SLC35F3: variants seen among roughly 807,000 people sequenced by gnomAD.
SLC35F3 encodes solute carrier family 35 member F3.
A neutral mutation model predicts 49.9 loss-of-function variants in SLC35F3; 25 were observed. The ratio of observed to expected loss-of-function variants is 0.50; its 90% CI spans 0.37 to 0.70. The LOEUF is 0.70. SLC35F3 is among the 30% of genes least tolerant of loss of function. The pLI, the probability that SLC35F3 is intolerant of heterozygous loss-of-function variation, is 0.00. For missense variants in SLC35F3, 525 were observed against 639.8 expected, an observed-to-expected ratio of 0.82 and a Z score of 1.94; for synonymous variants, 275 against 265.4, an observed-to-expected ratio of 1.04 and a Z score of -0.35.
At chr1:234,210,895 C>T (rs967551163) in intron 2 of SLC35F3, among the ~76,000 whole-genome samples, 2 of 152,160 alleles carry the variant, frequency 1.3e-5, no homozygotes, top group Admixed American at 1.3e-4. Context: ...GTCTCTGGGA[C>T]GTGACAGAGG....
intron 2 of SLC35F3, among the ~76,000 whole-genome samples, chr1:233,993,314 C>T (rs967646247): frequency 2.0e-5 from 3 of 152,018 alleles, no homozygotes; most frequent in African/African-American, 7.2e-5. Flanking sequence ...GTCAGTTTTG[C>T]TGGGCTGGTG....
intron 2 of SLC35F3, among the ~76,000 whole-genome samples, chr1:234,217,238 T>C (rs1340556891): frequency 6.6e-6 from 1 of 152,030 alleles, no homozygotes; most frequent in Non-Finnish European, 1.5e-5. Context: ...AAAACCAAAA[T>C]AGAAAAGGCA....
At chr1:234,261,484 T>C (rs1297098179) in intron 3 of SLC35F3, among the ~76,000 whole-genome samples, 1 of 152,116 alleles carries the variant, frequency 6.6e-6, no homozygotes, top group Non-Finnish European at 1.5e-5. Context: ...GGTGGGAGTG[T>C]CTTTTGGCAT....
At chr1:234,237,961 C>T (rs1226054372) in intron 3 of SLC35F3, among the ~76,000 whole-genome samples, 2 of 152,212 alleles carry the variant, frequency 1.3e-5, no homozygotes, top group African/African-American at 2.4e-5. Context: ...ACCTTGGCCC[C>T]CCAAAGTGCT....
At chr1:234,023,709 A>G (rs1259848154) in intron 2 of SLC35F3, among the ~76,000 whole-genome samples, 1 of 152,138 alleles carries the variant, frequency 6.6e-6, no homozygotes, top group Non-Finnish European at 1.5e-5. Flanking sequence ...CAGGGTCCAC[A>G]TCATGCTGGT....
chr1:234,077,090 C>A (rs1027130437), intron 2 of SLC35F3, among the ~76,000 whole-genome samples: 1 of 150,596 alleles, frequency 6.6e-6, no homozygotes, highest in Non-Finnish European at 1.5e-5. Flanking sequence ...CTGCAAGCTC[C>A]GCTTCCCGGG....
At chr1:233,937,869 C>T (rs989581313) in intron 2 of SLC35F3, among the ~76,000 whole-genome samples, 3 of 151,886 alleles carry the variant, frequency 2.0e-5, no homozygotes, top group Non-Finnish European at 4.4e-5. Flanking sequence ...TTGGTGAGTG[C>T]GGGAGAGGGG....
chr1:234,067,746 G>C (rs1026561950), intron 2 of SLC35F3, among the ~76,000 whole-genome samples: 3 of 152,192 alleles, frequency 2.0e-5, no homozygotes, highest in Admixed American at 2.0e-4. Flanking sequence ...CCAGATGACT[G>C]CAGCTGCATG....
intron 2 of SLC35F3, among the ~76,000 whole-genome samples, chr1:233,914,008 C>A (rs1443159419): frequency 6.6e-6 from 1 of 152,140 alleles, no homozygotes; most frequent in Non-Finnish European, 1.5e-5. Flanking sequence ...AAGAACGTGA[C>A]ATGTCTTCAT....
At chr1:234,308,368 T>A (rs984652233) in intron 3 of SLC35F3, among the ~76,000 whole-genome samples, 3 of 152,064 alleles carry the variant, frequency 2.0e-5, no homozygotes, top group African/African-American at 7.2e-5. Flanking sequence ...CCAACCCCCG[T>A]CCCACAGGCC....
rs113863855 is a variant in SLC35F3, at chr1:234,045,335, A to G, written c.283+139577A>G. ...GTGTTTCTTAGTTAACATTTCCAAT[A>G]TAGTTTAAATCTTATAATTATAGCT... On this transcript the variant is annotated intron_variant, in intron 2 of 7. Transcript: ENST00000366618. Among the ~76,000 whole-genome samples the G allele has an allele frequency of 1.7e-3, 256 of 152,302 alleles. 1 individual carries two copies. Among genetic ancestry groups the G allele is most frequent in the Middle Eastern group, 6.8e-3 (2 of 294 alleles).
intron 3 of SLC35F3, among the ~76,000 whole-genome samples, chr1:234,260,015 C>T (rs555611710): frequency 6.6e-6 from 1 of 152,172 alleles, no homozygotes; most frequent in Admixed American, 6.5e-5. Context: ...GTTTGCTAAG[C>T]AAATGGATAG....
intron 2 of SLC35F3, among the ~76,000 whole-genome samples, chr1:234,192,630 G>A (rs12066417): frequency 0.08 from 12,184 of 152,126 alleles, 1,347 homozygotes; most frequent in African/African-American, 0.25. Flanking sequence ...AGGACATCCA[G>A]ATCAGTAAAG....
chr1:233,961,060 C>T (rs1438237379), intron 2 of SLC35F3, among the ~76,000 whole-genome samples: 4 of 152,058 alleles, frequency 2.6e-5, no homozygotes, highest in Admixed American at 2.0e-4. Context: ...AATCCCTGAG[C>T]TCCCCAGAAG....
chr1:234,270,775 T>TA (rs1361206729), intron 3 of SLC35F3, among the ~76,000 whole-genome samples: 5 of 152,208 alleles, frequency 3.3e-5, no homozygotes, highest in Non-Finnish European at 7.3e-5. Context: ...GATGTTCGTG[T>TA]AACAACTTGC....
rs1007980110 is a variant in SLC35F3, at chr1:234,243,827, C to T, written c.608+12086C>T. Among the ~76,000 whole-genome samples, 50 of 152,210 alleles carry T rather than the reference C, an allele frequency of 3.3e-4. 3 individuals are homozygous for T. On this transcript the variant is annotated intron_variant, in intron 3 of 7. Coordinates refer to ENST00000366618, the MANE Select transcript of SLC35F3 (RefSeq NM_173508.4). ...CAGAGACTACTACATCTCCCAGCCT[C>T]CCCTGGCATCTAACTTGGGCTAAGT...
At position 233,978,985 on chromosome 1, in the gene SLC35F3, G is replaced by C. The variant is rs12046728; in HGVS notation, c.283+73227G>C. Among the ~76,000 whole-genome samples, 2,473 of 151,234 alleles carry C rather than the reference G, an allele frequency of 0.016. 97 individuals are homozygous for C. In the East Asian group the frequency reaches 0.17, roughly 10 times the overall value. On this transcript the variant is annotated intron_variant, in intron 2 of 7. Coordinates refer to ENST00000366618, the MANE Select transcript of SLC35F3 (RefSeq NM_173508.4). ...TGGGAGGCAGAGGTTGCAGTGAGCC[G>C]AGATTCAGCCATTGCACTCCAGCCT...
chr1:233,938,591 G>A (rs1662370014), intron 2 of SLC35F3, among the ~76,000 whole-genome samples: 1 of 152,158 alleles, frequency 6.6e-6, no homozygotes, highest in African/African-American at 2.4e-5. Flanking sequence ...TCAGTGAGAA[G>A]ACGAAGAGCT....
At chr1:234,045,883 T>TTA (rs974666389) in intron 2 of SLC35F3, among the ~76,000 whole-genome samples, 2 of 152,112 alleles carry the variant, frequency 1.3e-5, no homozygotes, top group Non-Finnish European at 2.9e-5. Context: ...TTTTCAAAAT[T>TTA]TATATAAGTG....
Sources: allele counts gnomAD v4.1 joint callset (sites outside exome capture counted in the v4.1 genomes callset), GRCh38; gene constraint gnomAD v4.1.1; transcripts MANE v1.5; gene names NCBI Gene and HGNC (gene_info 2026-07-23, HGNC 2026-07-21).